The following NEIL3 variants were observed in gnomAD, a reference collection of about 807,000 sequenced individuals.
NEIL3 encodes endonuclease 8-like 3.
In NEIL3, 48 loss-of-function variants were observed where a neutral mutation model predicts 57.5. That is an observed-to-expected ratio of 0.83 (90% CI 0.66 to 1.06). The LOEUF is 1.06. Among genes scored for constraint, NEIL3 ranks in the 50% least tolerant of loss-of-function variants. The pLI, the probability that NEIL3 is intolerant of heterozygous loss-of-function variation, is 0.00. For missense variants in NEIL3, 717 were observed against 739.1 expected, an observed-to-expected ratio of 0.97 and a Z score of 0.35; for synonymous variants, 261 against 253.2, an observed-to-expected ratio of 1.03 and a Z score of -0.29.
intron 1 of NEIL3, among the ~76,000 whole-genome samples, chr4:177,320,702 C>T (rs1380117712): frequency 6.6e-6 from 1 of 151,260 alleles, no homozygotes; most frequent in Non-Finnish European, 1.5e-5. Flanking sequence ...CTCCTGACCT[C>T]GTGATCCGCC....
At chr4:177,316,259 A>C (rs1377236930) in intron 1 of NEIL3, among the ~76,000 whole-genome samples, 1 of 152,220 alleles carries the variant, frequency 6.6e-6, no homozygotes, top group Non-Finnish European at 1.5e-5. Context: ...GTATTGGATT[A>C]GATCTTTTTA....
chr4:177,313,101 A>T (rs1734506847), intron 1 of NEIL3, among the ~76,000 whole-genome samples: 1 of 152,234 alleles, frequency 6.6e-6, no homozygotes, highest in African/African-American at 2.4e-5. Context: ...TTTAAAAATA[A>T]TTTAATAACT....
At chr4:177,333,149 C>T (rs1734913471) in intron 2 of NEIL3, among the ~76,000 whole-genome samples, 1 of 151,886 alleles carries the variant, frequency 6.6e-6, no homozygotes, top group South Asian at 2.1e-4. Flanking sequence ...TAGGACACTT[C>T]TGACCACTTG....
chr4:177,327,421 T>C (rs1163524092), intron 2 of NEIL3, among the ~76,000 whole-genome samples: 1 of 152,182 alleles, frequency 6.6e-6, no homozygotes, highest in East Asian at 1.9e-4. Context: ...ATATGACTTT[T>C]TTAAAAAAAA....
intron 2 of NEIL3, among the ~76,000 whole-genome samples, chr4:177,323,045 A>G (rs562755855): frequency 2.4e-4 from 37 of 152,334 alleles, no homozygotes; most frequent in African/African-American, 7.5e-4. Flanking sequence ...AAAACTTTCC[A>G]GAGAAATAAC....
At chr4:177,329,840 T>G (rs1017552479) in intron 2 of NEIL3, among the ~76,000 whole-genome samples, 3 of 152,194 alleles carry the variant, frequency 2.0e-5, no homozygotes, top group African/African-American at 7.2e-5. Context: ...TTAAAAGTAT[T>G]GATATCATGG....
At chr4:177,322,712 A>C in intron 2 of NEIL3, 132 bp downstream of exon 2, 1 of 968,460 alleles carries the variant, frequency 1.0e-6, no homozygotes, top group Non-Finnish European at 1.5e-6. Flanking sequence ...CCAATATGAG[A>C]GGTTGTGATT....
rs747919478 is a variant in NEIL3 at position 177,351,539 on chromosome 4, A to G, written c.1029A>G (p.Ser343=). The change falls in exon 7 of 10, where the codon TCA becomes TCG. Residue 343 remains serine, a synonymous_variant. Coordinates refer to ENST00000264596, the MANE Select transcript of NEIL3 (RefSeq NM_018248.3). ...AGGCATGTGATGCTTGCTTGACCTC[A>G]AGGCCTATTGGTAAGACTGAATTTT... is the stretch of plus-strand genomic sequence containing the variant. The part of the protein sequence containing the change: ...SSKACDACLT[S]RPIDSVLKSE... 1 of 1,611,324 alleles carries G rather than the reference A, an allele frequency of 6.2e-7. No homozygotes were observed. Among genetic ancestry groups the G allele is most frequent in the Non-Finnish European group, 8.5e-7 (1 of 1,178,954 alleles).
In NEIL3 at chr4:177,342,407, TTATG is replaced by T. The variant is rs1263840669; in HGVS notation, c.869+768_869+771del. ...CATAGCAGTATATGTGATTATAAGA[TTATG>T]TAGTATAAAGCAGCTGCATAGCAGT... On this transcript the variant is annotated intron_variant, in intron 6 of 9. Coordinates refer to ENST00000264596, the MANE Select transcript of NEIL3 (RefSeq NM_018248.3). 3.3e-5 allele frequency among the ~76,000 whole-genome samples: 5 copies of T among 152,184 alleles called. No individual in the cohort carries two copies. In the East Asian group the frequency reaches 7.7e-4, roughly 23 times the overall value.
intron 2 of NEIL3, among the ~76,000 whole-genome samples, chr4:177,324,727 A>C (rs1734746795): frequency 6.6e-6 from 1 of 152,190 alleles, no homozygotes; most frequent in African/African-American, 2.4e-5. Context: ...ACAAGTACTC[A>C]GTAGAGAAAA....
chr4:177,364,864 G>A (rs1195089450), downstream of NEIL3, among the ~76,000 whole-genome samples: 1 of 151,372 alleles, frequency 6.6e-6, no homozygotes, highest in African/African-American at 2.4e-5. Flanking sequence ...GAAGGTGGAG[G>A]TTGCAGTGAG....
intron 9 of NEIL3, among the ~76,000 whole-genome samples, 182 bp from the exon 10 acceptor site, chr4:177,362,107 A>T (rs943661648): frequency 7.9e-5 from 12 of 152,212 alleles, no homozygotes; most frequent in African/African-American, 2.9e-4. Context: ...TGTAAGAGAG[A>T]TGCTTCTTTT....
At chr4:177,366,823 C>G (rs1330558976), downstream of NEIL3, among the ~76,000 whole-genome samples, 1 of 152,140 alleles carries the variant, frequency 6.6e-6, no homozygotes, top group African/African-American at 2.4e-5. Flanking sequence ...GACTCTCTTC[C>G]TTTTTTCCAG....
the NEIL3 span, among the ~76,000 whole-genome samples, chr4:177,370,627 G>A: frequency 6.6e-6 from 1 of 152,208 alleles, no homozygotes; most frequent in South Asian, 2.1e-4. Flanking sequence ...AGAGCTGGGT[G>A]CAGTGGCTCA....
intron 6 of NEIL3, among the ~76,000 whole-genome samples, chr4:177,349,459 C>A (rs1377765468): frequency 6.6e-6 from 1 of 152,108 alleles, no homozygotes; most frequent in Non-Finnish European, 1.5e-5. Flanking sequence ...TTTGTGGTCT[C>A]CTTGCCTTCT....
Position 177,335,699 on chromosome 4 carries a change from G to A in NEIL3, c.290G>A (p.Gly97Glu). ...FGPKALRIHFGMKGFIMINPL... is the reference protein window; with the variant it reads ...FGPKALRIHFEMKGFIMINPL... ...TGATTTTGTTTCAGGATTCATTTCG[G>A]AATGAAAGGCTTCATCATGATTAAT... is the stretch of plus-strand genomic sequence containing the variant. The change falls in exon 3 of 10, where the codon GGA (glycine) becomes GAA (glutamate). Residue 97 changes from glycine to glutamate, a missense_variant. Physicochemically the swap from Gly to Glu is moderately conservative, Grantham distance 98. Transcript: ENST00000264596. The A allele has an allele frequency of 6.2e-7, 1 of 1,608,506 alleles. No homozygotes were observed. Among genetic ancestry groups the A allele is most frequent in the Non-Finnish European group, 8.5e-7 (1 of 1,177,804 alleles).
chr4:177,339,985 A>G lies in NEIL3; in HGVS notation c.702+128A>G. 3.1e-6 allele frequency: 2 copies of G among 643,370 alleles called. 1 individual carries two copies. Among genetic ancestry groups the G allele is most frequent in the South Asian group, 3.8e-5 (2 of 53,190 alleles). The allele number at this position is 643,370 out of a possible 1,614,324, so 39.9% of individuals were successfully genotyped here. On this transcript the variant is annotated intron_variant, in intron 5 of 9. Coordinates refer to ENST00000264596, the MANE Select transcript of NEIL3 (RefSeq NM_018248.3). ...AGAGCATGGAGGTACATTAAGGGAG[A>G]GTGACATTATGTGGGTGTAATTAAC...
At chr4:177,356,880 A>G (rs1735484105) in intron 8 of NEIL3, 2 of 152,212 alleles carry the variant, frequency 1.3e-5, no homozygotes, top group Non-Finnish European at 2.9e-5. Flanking sequence ...AGCAAAACAC[A>G]GTGATGCAGT....
chr4:177,317,603 T>C (rs957950839), intron 1 of NEIL3, among the ~76,000 whole-genome samples: 108 of 130,124 alleles, frequency 8.3e-4, no homozygotes, highest in African/African-American at 3.0e-3. Context: ...TTTTCTTTTT[T>C]TTTTTTTTTT....
Sources: allele counts gnomAD v4.1 joint callset (sites outside exome capture counted in the v4.1 genomes callset), GRCh38; gene constraint gnomAD v4.1.1; transcripts MANE v1.5; gene names NCBI Gene and HGNC (gene_info 2026-07-23, HGNC 2026-07-21).